GPR149: variants seen among roughly 807,000 people sequenced by gnomAD.
The protein encoded by GPR149 is G protein-coupled receptor 149.
GPR149 carries 50 observed loss-of-function variants against 50.2 expected under a neutral mutation model. The observed-to-expected ratio is 1.00, with a 90% CI of 0.79 to 1.26. The LOEUF is 1.26. Ranked by LOEUF, GPR149 falls within the 50% of genes most tolerant of loss-of-function variation. The pLI is 0.00. For missense variants in GPR149, 983 were observed against 895.4 expected (o/e 1.10, Z -1.25); for synonymous variants, 405 against 358.2 (o/e 1.13, Z -1.48).
intron 3 of GPR149, among the ~76,000 whole-genome samples, chr3:154,391,485 C>A (rs1406579400): frequency 6.6e-6 from 1 of 150,858 alleles, no homozygotes; most frequent in East Asian, 1.9e-4. Context: ...CAAAGTATAG[C>A]AATAAATACA....
chr3:154,354,603 G>C (rs1319138468), intron 3 of GPR149: 1 of 187,562 alleles, frequency 5.3e-6, no homozygotes, highest in Non-Finnish European at 1.1e-5. Flanking sequence ...GGTGGGAGGA[G>C]GAAAGACTCT....
intron 3 of GPR149, among the ~76,000 whole-genome samples, chr3:154,391,748 CTTA>C (rs1404454686): frequency 2.0e-5 from 3 of 151,452 alleles, no homozygotes; most frequent in Admixed American, 2.0e-4. Flanking sequence ...GTTTACATAA[CTTA>C]TTATTATTAA....
intron 3 of GPR149, among the ~76,000 whole-genome samples, chr3:154,369,458 T>C (rs1201357325): frequency 6.6e-6 from 1 of 152,202 alleles, no homozygotes; most frequent in East Asian, 1.9e-4. Flanking sequence ...TTTGCCCAAA[T>C]GACAGAGGCC....
chr3:154,427,281 A>G (rs1238194243), intron 2 of GPR149, among the ~76,000 whole-genome samples: 1 of 152,026 alleles, frequency 6.6e-6, no homozygotes, highest in Non-Finnish European at 1.5e-5. Context: ...TCTACCTAAA[A>G]TAATTATTCA....
chr3:154,350,618 G>T lies in GPR149; in HGVS notation c.1624-12347C>A, dbSNP rs995958719. On this transcript the variant is annotated intron_variant, in intron 3 of 3. Transcript: ENST00000389740. Reference sequence around the variant, plus strand: ...TAAAGATATCAATTCTGTAGAAATTGATCTATACATTTAATATAATTCCTA... The same window carrying T: ...TAAAGATATCAATTCTGTAGAAATTTATCTATACATTTAATATAATTCCTA... Among the ~76,000 whole-genome samples, 8 of 152,078 alleles carry T rather than the reference G, an allele frequency of 5.3e-5. 1 individual carries two copies. The highest frequency in any genetic ancestry group is 1.4e-4 in the African/African-American group (6 of 41,400).
chr3:154,417,075 A>G (rs1712012796), intron 3 of GPR149, among the ~76,000 whole-genome samples: 1 of 151,878 alleles, frequency 6.6e-6, no homozygotes, highest in African/African-American at 2.4e-5. Context: ...TATAAGTCCA[A>G]TTTTCTTTAT....
At chr3:154,368,759 C>T (rs1714597774) in intron 3 of GPR149, among the ~76,000 whole-genome samples, 2 of 152,202 alleles carry the variant, frequency 1.3e-5, no homozygotes, top group African/African-American at 4.8e-5. Flanking sequence ...GCCTAGAAGA[C>T]ATCTACCACC....
Position 154,403,852 on chromosome 3 carries a change from A to G in GPR149, c.1623+17187T>C, listed in dbSNP as rs771708525. The stretch of plus-strand genomic sequence containing the variant: ...GGTGGCACTATCCAATAGAACTGCA[A>G]GATGGTCCTGTTCCATATGGGTGCT... On this transcript the variant is annotated intron_variant, in intron 3 of 3. Coordinates refer to ENST00000389740, the MANE Select transcript of GPR149 (RefSeq NM_001038705.3). Among the ~76,000 whole-genome samples the G allele has an allele frequency of 1.1e-4, 17 of 152,290 alleles. No individual in the cohort carries two copies. The Middle Eastern group carries it at 0.01, about 91-fold the overall frequency.
intron 3 of GPR149, among the ~76,000 whole-genome samples, chr3:154,402,282 A>G (rs1392961369): frequency 2.0e-5 from 3 of 152,008 alleles, no homozygotes; most frequent in East Asian, 3.9e-4. Flanking sequence ...GCCAGGCACC[A>G]TGGCTCACAC....
At chr3:154,367,513 G>A (rs930960444) in intron 3 of GPR149, among the ~76,000 whole-genome samples, 3 of 152,052 alleles carry the variant, frequency 2.0e-5, no homozygotes, top group African/African-American at 4.8e-5. Flanking sequence ...TTACAATTCC[G>A]GTTCTCCTCA....
At chr3:154,390,454 A>T (rs1449707449) in intron 3 of GPR149, among the ~76,000 whole-genome samples, 1 of 152,040 alleles carries the variant, frequency 6.6e-6, no homozygotes, top group Non-Finnish European at 1.5e-5. Context: ...GAAGTTCAAC[A>T]GCAGACTAGA....
At chr3:154,414,992 T>C (rs892482649) in intron 3 of GPR149, among the ~76,000 whole-genome samples, 3 of 152,020 alleles carry the variant, frequency 2.0e-5, no homozygotes, top group African/African-American at 7.2e-5. Context: ...AATTGCATTG[T>C]ACAGTGTAAC....
intron 3 of GPR149, among the ~76,000 whole-genome samples, chr3:154,409,133 T>C (rs1447400775): frequency 1.3e-5 from 2 of 152,030 alleles, no homozygotes; most frequent in African/African-American, 4.8e-5. Context: ...GCAAAAACAA[T>C]CACTACAGTT....
At chr3:154,419,310 A>C (rs1559990560) in intron 3 of GPR149, among the ~76,000 whole-genome samples, 1 of 152,116 alleles carries the variant, frequency 6.6e-6, no homozygotes, top group African/African-American at 2.4e-5. Flanking sequence ...ACTTATGTGC[A>C]AGCAGTGTCT....
chr3:154,339,754 T>C (rs957608238), intron 3 of GPR149, among the ~76,000 whole-genome samples: 56 of 151,454 alleles, frequency 3.7e-4, no homozygotes, highest in Admixed American at 2.0e-4. Flanking sequence ...ATGAGTTTCA[T>C]TGGGGGTGCC....
chr3:154,338,693 A>G (rs1479305689), intron 3 of GPR149, among the ~76,000 whole-genome samples: 1 of 152,224 alleles, frequency 6.6e-6, no homozygotes, highest in Non-Finnish European at 1.5e-5. Flanking sequence ...TGTGTTATCA[A>G]CATGAACTTT....
intron 3 of GPR149, among the ~76,000 whole-genome samples, chr3:154,409,978 G>A (rs1301276971): frequency 3.3e-5 from 5 of 152,100 alleles, no homozygotes; most frequent in Non-Finnish European, 7.4e-5. Context: ...GAGATGTGAG[G>A]CAAAAGCATC....
Position 154,428,736 on chromosome 3 carries a change from C to T in GPR149, c.880G>A (p.Gly294Arg). 6.2e-7 allele frequency: 1 copy of T among 1,614,122 alleles called. No homozygotes were observed. Among genetic ancestry groups the T allele is most frequent in the Non-Finnish European group, 8.5e-7 (1 of 1,180,046 alleles). ...AAGCTCCTGGTGCCATAGAGAGTCC[C>T]CCGGTTCTCACGCCTGCAGGCTTCA... Reference protein sequence around the residue: ...GAEACRRENRGTLYGTRSFTV... With the variant: ...GAEACRRENRRTLYGTRSFTV... The change falls in exon 1 of 4, where the codon GGG (glycine) becomes AGG (arginine). Residue 294 changes from glycine to arginine, a missense_variant. By Grantham distance (125) the Gly-to-Arg change is moderately radical. Coordinates refer to ENST00000389740, the MANE Select transcript of GPR149 (RefSeq NM_001038705.3).
intron 3 of GPR149, among the ~76,000 whole-genome samples, chr3:154,410,479 T>G (rs1711804529): frequency 6.6e-6 from 1 of 152,058 alleles, no homozygotes. Flanking sequence ...TCTGCCATCT[T>G]CAGGAGACTC....
Sources: gnomAD v4.1 joint callset for allele counts (sites outside exome capture counted in the v4.1 genomes callset) on GRCh38, gnomAD v4.1.1 for gene constraint, MANE v1.5 for transcripts, NCBI Gene and HGNC (gene_info 2026-07-23, HGNC 2026-07-21) for gene names.